Variants in ERO1B observed in about 807,000 individuals in gnomAD.
ERO1B encodes the protein endoplasmic reticulum oxidoreductase 1 beta.
Under a neutral mutation model 75.3 loss-of-function variants are expected in ERO1B, and 49 were observed. The ratio of observed to expected loss-of-function variants is 0.65; its 90% CI spans 0.52 to 0.83. The LOEUF (loss-of-function observed/expected upper bound fraction) is 0.83. Ranked by LOEUF, ERO1B falls within the 40% of genes least tolerant of loss-of-function variation. The pLI is 0.00. For synonymous variants in ERO1B, 191 were observed against 192.9 expected (o/e 0.99, Z 0.08); for missense variants, 512 against 560.1 (o/e 0.91, Z 0.87).
intron 9 of ERO1B, among the ~76,000 whole-genome samples, chr1:236,230,655 A>C (rs1222471272): frequency 1.3e-5 from 2 of 151,576 alleles, no homozygotes; most frequent in Non-Finnish European, 2.9e-5. Flanking sequence ...AGATTAAGTA[A>C]TCTCTCTAAA....
At position 236,215,840 on chromosome 1, in the gene ERO1B, A is replaced by T. The variant is rs1055455876; in HGVS notation, c.*2676T>A. On this transcript the variant is annotated 3_prime_UTR_variant, in exon 16 of 16. Transcript: ENST00000354619. ...AAATTTTCAGCTGAAGGCAATGCTG[A>T]TGAAGATCAAAATAGCTGTCCTTTC... 1.2e-4 allele frequency: 19 copies of T among 152,218 alleles called. No homozygotes were observed. The highest frequency in any genetic ancestry group is 9.8e-4 in the Admixed American group (15 of 15,272). 9.4% of individuals were successfully genotyped at this position (152,218 alleles called of 1,614,324 possible).
rs1553371253 is a variant in ERO1B at position 236,239,825 on chromosome 1, G to GTATATATGTA, written c.506-3428_506-3427insTACATATATA. Among the ~76,000 whole-genome samples the GTATATATGTA allele has an allele frequency of 7.1e-4, 36 of 50,866 alleles. 1 individual carries two copies. Among genetic ancestry groups the GTATATATGTA allele is most frequent in the Non-Finnish European group, 1.3e-3 (21 of 16,222 alleles). 33.4% of individuals were successfully genotyped at this position (50,866 alleles called of 152,430 possible). A position where few individuals can be genotyped will look rare whatever the true frequency, so the allele number is the denominator to read the frequency against. ...TATATATGTGTGTATATATATATGTGTATATATATGTGTATATATATATGT... is the reference window on the plus strand; with the variant it reads ...TATATATGTGTGTATATATATATGTGTATATATGTATATATATATGTGTATATATATATGT... On this transcript the variant is annotated intron_variant, in intron 6 of 15. Transcript: ENST00000354619.
At chr1:236,234,913 AGT>A (rs1021035826) in intron 8 of ERO1B, among the ~76,000 whole-genome samples, 2 of 152,208 alleles carry the variant, frequency 1.3e-5, no homozygotes, top group African/African-American at 4.8e-5. Flanking sequence ...GCCACACACG[AGT>A]GTTAACTTAA....
chr1:236,277,527 A>G (rs1475605277), intron 1 of ERO1B, among the ~76,000 whole-genome samples: 1 of 152,184 alleles, frequency 6.6e-6, no homozygotes, highest in East Asian at 1.9e-4. Context: ...TGAGCGGCAA[A>G]CAAGGAATGA....
intron 14 of ERO1B, 136 bp downstream of exon 14, chr1:236,221,788 C>A: frequency 1.5e-6 from 1 of 655,702 alleles, no homozygotes. Flanking sequence ...TTTTCATCAA[C>A]AGAAAAAACA....
chr1:236,262,063 C>T (rs559091770), intron 2 of ERO1B, among the ~76,000 whole-genome samples: 6 of 152,338 alleles, frequency 3.9e-5, no homozygotes, highest in Non-Finnish European at 7.3e-5. Context: ...GGACTCATTG[C>T]ACACTGTGAT....
intron 9 of ERO1B, among the ~76,000 whole-genome samples, chr1:236,231,038 G>T (rs908389142): frequency 2.0e-5 from 3 of 152,050 alleles, no homozygotes; most frequent in African/African-American, 4.8e-5. Flanking sequence ...CAACCATAGT[G>T]CTTTTTAAAT....
At chr1:236,243,083 T>C (rs973416173) in intron 6 of ERO1B, among the ~76,000 whole-genome samples, 12 of 152,360 alleles carry the variant, frequency 7.9e-5, no homozygotes, top group African/African-American at 2.2e-4. Context: ...ATGGAAAGAA[T>C]ACAGGTTTTG....
intron 6 of ERO1B, among the ~76,000 whole-genome samples, chr1:236,242,796 C>T (rs77367448): frequency 0.069 from 10,452 of 152,046 alleles, 746 homozygotes; most frequent in East Asian, 0.39. Context: ...AATATTATCC[C>T]ACAGATAAAA....
chr1:236,229,795 C>CTA (rs1316946960), intron 10 of ERO1B, among the ~76,000 whole-genome samples: 1 of 152,154 alleles, frequency 6.6e-6, no homozygotes, highest in Admixed American at 6.5e-5. Flanking sequence ...CAAGGTTAGA[C>CTA]TATATTAACG....
At chr1:236,251,212 T>TA (rs546435823) in intron 4 of ERO1B, among the ~76,000 whole-genome samples, 1 of 151,540 alleles carries the variant, frequency 6.6e-6, no homozygotes, top group Admixed American at 6.6e-5. Flanking sequence ...TTATTTAAAT[T>TA]AAAAAAAATT....
chr1:236,238,551 A>G (rs1664601353), intron 6 of ERO1B, among the ~76,000 whole-genome samples: 1 of 131,436 alleles, frequency 7.6e-6, no homozygotes, highest in Non-Finnish European at 1.7e-5. Flanking sequence ...AAAAAAAAAA[A>G]GAAAGTATGG....
chr1:236,239,827 A>G (rs11578465), intron 6 of ERO1B, among the ~76,000 whole-genome samples: 7 of 123,794 alleles, frequency 5.7e-5, no homozygotes, highest in Middle Eastern at 4.1e-3. Context: ...ATATATGTGT[A>G]TATATATGTG....
chr1:236,232,602 T>C (rs1240778038), intron 9 of ERO1B, among the ~76,000 whole-genome samples: 2 of 151,804 alleles, frequency 1.3e-5, no homozygotes, highest in Non-Finnish European at 2.9e-5. Context: ...GTAATGTGAA[T>C]TGATTTACAA....
intron 2 of ERO1B, among the ~76,000 whole-genome samples, chr1:236,254,478 A>G (rs1459076082): frequency 6.6e-6 from 1 of 152,144 alleles, no homozygotes; most frequent in Non-Finnish European, 1.5e-5. Flanking sequence ...TAGAGTTTAT[A>G]AACTCTGCAG....
Position 236,232,915 on chromosome 1 carries a change from T to G in ERO1B, c.674-76A>C. ...AGATCCCAATACTATTTTTTGAGAT[T>G]AAAACTGTTAAACTATTAATTATAT... On this transcript the variant is annotated intron_variant, in intron 8 of 15. Coordinates refer to ENST00000354619, the MANE Select transcript of ERO1B (RefSeq NM_019891.4). The G allele has an allele frequency of 4.8e-6, 6 of 1,242,054 alleles. No homozygotes were observed. In the South Asian group the frequency reaches 7.7e-5, roughly 16 times the overall value. 76.9% of individuals were successfully genotyped at this position (1,242,054 alleles called of 1,614,324 possible). A position where few individuals can be genotyped will look rare whatever the true frequency, so the allele number is the denominator to read the frequency against.
chr1:236,271,537 T>C (rs898563286), intron 1 of ERO1B, among the ~76,000 whole-genome samples: 24 of 152,144 alleles, frequency 1.6e-4, no homozygotes, highest in African/African-American at 5.8e-4. Flanking sequence ...GTTCTATTTT[T>C]TCCTTCCTCC....
At chr1:236,279,401 G>A (rs868323109) in intron 1 of ERO1B, among the ~76,000 whole-genome samples, 44 of 148,932 alleles carry the variant, frequency 3.0e-4, no homozygotes, top group African/African-American at 1.0e-3. Flanking sequence ...TACTCGGGAG[G>A]CTGAGACAGA....
At chr1:236,228,672 T>G (rs538798963) in intron 10 of ERO1B, among the ~76,000 whole-genome samples, 1 of 152,360 alleles carries the variant, frequency 6.6e-6, no homozygotes, top group South Asian at 2.1e-4. Context: ...ACAGTAATAT[T>G]TGGCATTTGG....
Sources: allele counts gnomAD v4.1 joint callset (sites outside exome capture counted in the v4.1 genomes callset), GRCh38; gene constraint gnomAD v4.1.1; transcripts MANE v1.5; gene names NCBI Gene and HGNC (gene_info 2026-07-23, HGNC 2026-07-21).